The following CORO2B variants were observed in gnomAD, a reference collection of about 807,000 sequenced individuals.
CORO2B encodes the protein coronin 2B.
CORO2B carries 26 observed loss-of-function variants against 58.8 expected under a neutral mutation model. The observed-to-expected ratio is 0.44, with a 90% confidence interval of 0.32 to 0.61. The LOEUF is 0.61. CORO2B is among the 20% of genes least tolerant of loss of function. The pLI is 0.04. For synonymous variants in CORO2B, 242 were observed against 253.8 expected (o/e 0.95, Z 0.44); for missense variants, 460 against 645.1 (o/e 0.71, Z 3.11).
chr15:68,523,736 A>C, the CORO2B span, among the ~76,000 whole-genome samples: 1 of 152,102 alleles, frequency 6.6e-6, no homozygotes, highest in Non-Finnish European at 1.5e-5. Context: ...CAGATAGCCT[A>C]AAGCTCTGCT....
intron 1 of CORO2B, among the ~76,000 whole-genome samples, chr15:68,627,968 C>T (rs1900729688): frequency 6.6e-6 from 1 of 152,086 alleles, no homozygotes; most frequent in African/African-American, 2.4e-5. Context: ...CGAAATCTTC[C>T]CTCCCTGCCC....
intron 1 of CORO2B, among the ~76,000 whole-genome samples, chr15:68,581,526 G>A (rs1899424737): frequency 6.6e-6 from 1 of 152,158 alleles, no homozygotes; most frequent in Non-Finnish European, 1.5e-5. Context: ...CCACCAACAG[G>A]CTGTGTGACC....
chr15:68,589,996 G>A (rs943271072), intron 1 of CORO2B, among the ~76,000 whole-genome samples: 1 of 152,114 alleles, frequency 6.6e-6, no homozygotes, highest in African/African-American at 2.4e-5. Context: ...CTGGAAGCTG[G>A]CCGTCCTGGC....
In CORO2B at chr15:68,711,752, C is replaced by T. The variant is rs368067212; in HGVS notation, c.648+46C>T. 122 of 1,607,738 alleles carry T rather than the reference C, an allele frequency of 7.6e-5. 1 individual carries two copies. In the African/African-American group the frequency reaches 1.5e-3, roughly 20 times the overall value. On this transcript the variant is annotated intron_variant, in intron 5 of 11. Transcript: ENST00000261861. ...AGATTGAAGGGGAAGGTATTGAGGGCTGGGGCTCAGCTTTCAGCAGGCCTG... is the reference window on the plus strand; with the variant it reads ...AGATTGAAGGGGAAGGTATTGAGGGTTGGGGCTCAGCTTTCAGCAGGCCTG...
intron 1 of CORO2B, among the ~76,000 whole-genome samples, chr15:68,642,754 G>A (rs956951000): frequency 2.0e-5 from 3 of 152,200 alleles, no homozygotes; most frequent in Non-Finnish European, 4.4e-5. Flanking sequence ...GGCGCCGGCT[G>A]TCTGCGGATT....
chr15:68,643,562 A>T (rs888317300), intron 1 of CORO2B, among the ~76,000 whole-genome samples: 1 of 152,166 alleles, frequency 6.6e-6, no homozygotes, highest in Non-Finnish European at 1.5e-5. Flanking sequence ...GCCCTGTGGG[A>T]TGGAGGGCAA....
chr15:68,630,580 C>G (rs1233516706), intron 1 of CORO2B, among the ~76,000 whole-genome samples: 1 of 152,148 alleles, frequency 6.6e-6, no homozygotes, highest in Non-Finnish European at 1.5e-5. Context: ...AGATCTACTA[C>G]CCTGTTCCTT....
chr15:68,700,848 G>A (rs1892625822), intron 3 of CORO2B, among the ~76,000 whole-genome samples: 1 of 152,128 alleles, frequency 6.6e-6, no homozygotes, highest in Non-Finnish European at 1.5e-5. Flanking sequence ...GGGAGAGAGC[G>A]ATCCCAGGAG....
chr15:68,628,846 A>G (rs534159253), intron 1 of CORO2B, among the ~76,000 whole-genome samples: 1 of 152,290 alleles, frequency 6.6e-6, no homozygotes, highest in African/African-American at 2.4e-5. Flanking sequence ...TGGGTACAAG[A>G]GGCTTTCTGC....
chr15:68,714,187 G>A, intron 6 of CORO2B, 146 bp downstream of exon 6: 1 of 619,594 alleles, frequency 1.6e-6, no homozygotes, highest in Non-Finnish European at 2.8e-6. Context: ...GACCCCCAGA[G>A]GCCGAGCTTG....
intron 1 of CORO2B, among the ~76,000 whole-genome samples, chr15:68,592,744 G>A (rs544998267): frequency 4.6e-5 from 7 of 152,212 alleles, no homozygotes; most frequent in African/African-American, 1.7e-4. Context: ...CAGTATGTAC[G>A]GAATGTACAG....
the CORO2B span, among the ~76,000 whole-genome samples, chr15:68,549,370 TG>T: frequency 1.5e-3 from 35 of 22,668 alleles, no homozygotes; most frequent in African/African-American, 2.1e-3. Context: ...TGGGATTGTT[TG>T]GGGTTTTTTT....
At chr15:68,723,180 G>A (rs1893207591) in intron 11 of CORO2B, among the ~76,000 whole-genome samples, 1 of 145,588 alleles carries the variant, frequency 6.9e-6, no homozygotes, top group Non-Finnish European at 1.5e-5. Context: ...GGGGTACAAT[G>A]GCACAATCTT....
chr15:68,711,365 T>G (rs1164130477), intron 4 of CORO2B, among the ~76,000 whole-genome samples, 177 bp from the exon 5 acceptor site: 1 of 152,196 alleles, frequency 6.6e-6, no homozygotes, highest in Non-Finnish European at 1.5e-5. Flanking sequence ...GATGGATTTG[T>G]GTGCCAGGGA....
intron 2 of CORO2B, among the ~76,000 whole-genome samples, chr15:68,649,621 T>C (rs1254722674): frequency 6.6e-6 from 1 of 152,240 alleles, no homozygotes; most frequent in Non-Finnish European, 1.5e-5. Flanking sequence ...TGTCAATAGT[T>C]AGCATATTCA....
intron 1 of CORO2B, among the ~76,000 whole-genome samples, chr15:68,639,062 G>C (rs567245848): frequency 1.3e-5 from 2 of 152,312 alleles, no homozygotes; most frequent in East Asian, 1.9e-4. Context: ...TCATGAGGGA[G>C]GGTAAGGACC....
chr15:68,529,815 T>A, the CORO2B span, among the ~76,000 whole-genome samples: 1 of 152,244 alleles, frequency 6.6e-6, no homozygotes, highest in South Asian at 2.1e-4. Flanking sequence ...ATCACCACCA[T>A]ATCTATATGT....
At chr15:68,624,723 C>T (rs952921411) in intron 1 of CORO2B, among the ~76,000 whole-genome samples, 1 of 151,356 alleles carries the variant, frequency 6.6e-6, no homozygotes, top group Admixed American at 6.6e-5. Context: ...GATAGAGTCT[C>T]GCTCTGTCAC....
chr15:68,722,752 A>AGTTTT (rs1423653897), intron 11 of CORO2B, among the ~76,000 whole-genome samples: 4 of 152,212 alleles, frequency 2.6e-5, no homozygotes, highest in Admixed American at 6.5e-5. Flanking sequence ...TTTTTAAGTT[A>AGTTTT]TATTTTTTTA....
Sources: allele counts gnomAD v4.1 joint callset (sites outside exome capture counted in the v4.1 genomes callset), GRCh38; gene constraint gnomAD v4.1.1; transcripts MANE v1.5; gene names NCBI Gene and HGNC (gene_info 2026-07-23, HGNC 2026-07-21).